TRMT44: variants seen among roughly 807,000 people sequenced by gnomAD.
TRMT44 encodes tRNA methyltransferase 44 homolog, also known as probable tRNA (uracil-O(2)-)-methyltransferase.
Under a neutral mutation model 77.3 loss-of-function variants are expected in TRMT44, and 78 were observed. That is an observed-to-expected ratio of 1.01 (90% CI 0.84 to 1.22). The LOEUF (loss-of-function observed/expected upper bound fraction) is 1.22. Ranked by LOEUF, TRMT44 falls within the 50% of genes most tolerant of loss-of-function variation. The probability of loss-of-function intolerance (pLI) is 0.00; values close to 1 mark genes in which losing one functional copy is unlikely to be tolerated. For synonymous variants in TRMT44, 391 were observed against 383.3 expected (o/e 1.02, Z -0.23); for missense variants, 1,090 against 964.4 (o/e 1.13, Z -1.73).
chr4:8,516,632 T>A, the TRMT44 span, among the ~76,000 whole-genome samples: 1 of 151,884 alleles, frequency 6.6e-6, no homozygotes, highest in African/African-American at 2.4e-5. Context: ...ATAAAAAAAA[T>A]TATCTGGGCT....
chr4:8,492,549 G>T (rs1390495297), intron 2 of TRMT44, among the ~76,000 whole-genome samples: 1 of 152,156 alleles, frequency 6.6e-6, no homozygotes, highest in Non-Finnish European at 1.5e-5. Flanking sequence ...AAATCTTGGG[G>T]CCCCAAAATC....
At chr4:8,490,594 G>A (rs530361132) in intron 2 of TRMT44, among the ~76,000 whole-genome samples, 37 of 152,104 alleles carry the variant, frequency 2.4e-4, no homozygotes, top group Middle Eastern at 3.4e-3. Context: ...ATTCCTCCCC[G>A]TGGGCTCGTG....
rs1725081298 is a variant in TRMT44 at position 8,446,654 on chromosome 4, A to G, written c.734+64A>G. The stretch of plus-strand genomic sequence containing the variant: ...CATTGAGGATTTCTTTAGGTAGCCA[A>G]AGGATTCTGGGTTGCCAGGGCTTAA... On this transcript the variant is annotated intron_variant, in intron 2 of 10. Transcript: ENST00000389737. The surrounding 1 kb of genome is among the most constrained non-coding windows in gnomAD (Gnocchi z 4.3). The G allele has an allele frequency of 8.1e-7, 1 of 1,234,532 alleles. No homozygotes were observed. Among genetic ancestry groups the G allele is most frequent in the Admixed American group, 2.2e-5 (1 of 44,930 alleles). 76.5% of individuals were successfully genotyped at this position (1,234,532 alleles called of 1,614,324 possible). A position where few individuals can be genotyped will look rare whatever the true frequency, so the allele number is the denominator to read the frequency against.
At chr4:8,464,599 A>G (rs1002858235) in intron 7 of TRMT44, among the ~76,000 whole-genome samples, 3 of 152,196 alleles carry the variant, frequency 2.0e-5, no homozygotes, top group Non-Finnish European at 2.9e-5. Context: ...CTTATCTCAG[A>G]TTCTTCTGAG....
chr4:8,482,802 CAG>C (rs1016055227), intron 2 of TRMT44, among the ~76,000 whole-genome samples: 3 of 151,158 alleles, frequency 2.0e-5, no homozygotes, highest in South Asian at 4.2e-4. Flanking sequence ...GTGCAAGTCA[CAG>C]GGGATGCGAT....
chr4:8,474,903 C>T (rs910363831), intron 10 of TRMT44, among the ~76,000 whole-genome samples: 1 of 152,200 alleles, frequency 6.6e-6, no homozygotes, highest in African/African-American at 2.4e-5. Flanking sequence ...CGAGCGGGCC[C>T]ACAGCAGCCC....
At chr4:8,459,470 G>A (rs1426628514) in intron 6 of TRMT44, among the ~76,000 whole-genome samples, 1 of 152,148 alleles carries the variant, frequency 6.6e-6, no homozygotes, top group African/African-American at 2.4e-5. Flanking sequence ...CCATGTGTAC[G>A]GCAAGCGGTG....
chr4:8,509,908 TA>T, the TRMT44 span: 1 of 152,168 alleles, frequency 6.6e-6, no homozygotes, highest in Non-Finnish European at 1.5e-5. Context: ...AGCCAGGCCT[TA>T]AGGTTTTGGC....
downstream of TRMT44, among the ~76,000 whole-genome samples, chr4:8,497,192 T>G (rs2109244689): frequency 6.6e-6 from 1 of 152,322 alleles, no homozygotes; most frequent in Admixed American, 6.5e-5. Context: ...ACCAATTCCT[T>G]TACTGTTACT....
chr4:8,503,706 G>A, the TRMT44 span, among the ~76,000 whole-genome samples: 1 of 152,218 alleles, frequency 6.6e-6, no homozygotes, highest in East Asian at 1.9e-4. Flanking sequence ...CTTGGGAACA[G>A]AATTCCCGTC....
At position 8,446,474 on chromosome 4, in the gene TRMT44, A is replaced by G; in HGVS notation, c.620-2A>G. 1.3e-6 allele frequency: 2 copies of G among 1,528,824 alleles called. No homozygotes were observed. Among genetic ancestry groups the G allele is most frequent in the African/African-American group, 1.4e-5 (1 of 72,912 alleles). 94.7% of individuals were successfully genotyped at this position (1,528,824 alleles called of 1,614,324 possible). On this transcript the variant is annotated splice_acceptor_variant, in intron 1 of 10. Coordinates refer to ENST00000389737, the MANE Select transcript of TRMT44 (RefSeq NM_152544.3). LOFTEE classifies it high-confidence loss of function. This position sits in a 1 kb window ranked among gnomAD's most constrained non-coding sequence, Gnocchi z 4.3. ...TTGTCCTTCTTCTCTTTTTCTTTCC[A>G]GATGTCCTCAATGGAACCATAACGT...
At position 8,452,020 on chromosome 4, in the gene TRMT44, T is replaced by C; in HGVS notation, c.1015T>C (p.Tyr339His). Residue 339 changes from tyrosine (Y) to histidine (H), a missense_variant, in exon 4 of 11, where the codon TAC (tyrosine) becomes CAC (histidine). Transcript: ENST00000389737. The surrounding 1 kb of genome is among the most constrained non-coding windows in gnomAD (Gnocchi z 5.7). ...FVYEDVAIAA[Y>H]LLILWEEERA... ...GTATGAAGATGTGGCTATCGCAGCA[T>C]ACCTGCTGGTAAGGGTGTAAGCGAC... is the stretch of plus-strand genomic sequence containing the variant. The C allele has an allele frequency of 6.5e-7, 1 of 1,536,584 alleles. No individual in the cohort carries two copies. The highest frequency in any genetic ancestry group is 8.7e-7 in the Non-Finnish European group (1 of 1,146,900).
chr4:8,449,949 C>CTTTTTTTTTTTTTT (rs745915221), intron 3 of TRMT44, 61 bp downstream of exon 3: 127 of 239,082 alleles, frequency 5.3e-4, no homozygotes, highest in Middle Eastern at 1.3e-3. Flanking sequence ...CTTTTCTTTT[C>CTTTTTTTTTTTTTT]TTTTTTTTTT....
chr4:8,512,640 C>T, the TRMT44 span: 1 of 152,136 alleles, frequency 6.6e-6, no homozygotes, highest in Non-Finnish European at 1.5e-5. Context: ...GTAAATTTCT[C>T]GAGGTCTTGT....
At position 8,465,430 on chromosome 4, in the gene TRMT44, A is replaced by C. The variant is rs34873641; in HGVS notation, c.1363A>C (p.Ile455Leu). 1 of 1,613,876 alleles carries C rather than the reference A, an allele frequency of 6.2e-7. No individual in the cohort carries two copies. The highest frequency in any genetic ancestry group is 1.1e-5 in the South Asian group (1 of 91,046). ...CCTCCCCTGCTGCTTCTTTGACTTC[A>C]TTGGAAGATACTCCCGGAGGCAGAG... is the stretch of plus-strand genomic sequence containing the variant. ...FVLPCCFFDF[I>L]GRYSRRQSKK... The change falls in exon 8 of 11, where the codon ATT (isoleucine) becomes CTT (leucine). Residue 455 changes from isoleucine to leucine, a missense_variant. Transcript: ENST00000389737.
intron 6 of TRMT44, among the ~76,000 whole-genome samples, chr4:8,457,017 G>GCC (rs34337697): frequency 7.8e-4 from 98 of 126,230 alleles, no homozygotes; most frequent in African/African-American, 2.5e-3. Context: ...CAAGACACCC[G>GCC]CCCCCCCCCC....
chr4:8,463,664 G>T (rs544085979), intron 6 of TRMT44, among the ~76,000 whole-genome samples: 14 of 152,316 alleles, frequency 9.2e-5, no homozygotes, highest in African/African-American at 3.4e-4. Context: ...AAACCGTTCC[G>T]TGGCCGTCTC....
In TRMT44 at chr4:8,465,399, C is replaced by T; in HGVS notation, c.1332C>T (p.Phe444=). Reference sequence around the variant, plus strand: ...GAAGGTCTTCCTACAATTGCCGCTTCTTTGTCCTCCCCTGCTGCTTCTTTG... The same window carrying T: ...GAAGGTCTTCCTACAATTGCCGCTTTTTTGTCCTCCCCTGCTGCTTCTTTG... ...IAARSSYNCR[F]FVLPCCFFDF... Residue 444 remains phenylalanine (F), a synonymous_variant, in exon 8 of 11, where the codon TTC becomes TTT. Transcript: ENST00000389737. 6.2e-7 allele frequency: 1 copy of T among 1,612,788 alleles called. No homozygotes were observed. Among genetic ancestry groups the T allele is most frequent in the Non-Finnish European group, 8.5e-7 (1 of 1,179,594 alleles).
chr4:8,508,015 T>C, the TRMT44 span, among the ~76,000 whole-genome samples: 2 of 152,260 alleles, frequency 1.3e-5, no homozygotes, highest in Non-Finnish European at 2.9e-5. Context: ...CAAGTGATTC[T>C]CCTGCCTCAG....
Sources: gnomAD v4.1 joint callset for allele counts (sites outside exome capture counted in the v4.1 genomes callset) on GRCh38, gnomAD v4.1.1 for gene constraint, Gnocchi (gnomAD v3.1) non-coding constraint, MANE v1.5 for transcripts, NCBI Gene and HGNC (gene_info 2026-07-23, HGNC 2026-07-21) for gene names.